Variants in FGF1 observed in about 807,000 individuals in gnomAD.
FGF1 encodes beta-endothelial cell growth factor.
A neutral mutation model predicts 13.4 loss-of-function variants in FGF1; 9 were observed. The observed-to-expected ratio is 0.67, with a 90% CI of 0.40 to 1.17. The LOEUF (loss-of-function observed/expected upper bound fraction) is 1.17, where lower values mean the gene tolerates loss of function less well. FGF1 is among the 50% of genes most tolerant of loss of function. The pLI, the probability that FGF1 is intolerant of heterozygous loss-of-function variation, is 0.01. For missense variants in FGF1, 156 were observed against 192.7 expected, an observed-to-expected ratio of 0.81 and a Z score of 1.13; for synonymous variants, 93 against 79.0, an observed-to-expected ratio of 1.18 and a Z score of -0.94.
intron 1 of FGF1, among the ~76,000 whole-genome samples, chr5:142,666,183 GA>G (rs1554091181): frequency 5.1e-5 from 5 of 97,134 alleles, no homozygotes; most frequent in African/African-American, 1.4e-4. Context: ...ATATTAGGGT[GA>G]AATCTGTATC....
At chr5:142,664,019 A>G (rs1231558677) in intron 1 of FGF1, among the ~76,000 whole-genome samples, 2 of 152,322 alleles carry the variant, frequency 1.3e-5, no homozygotes, top group African/African-American at 2.4e-5. Context: ...CTTATGAACT[A>G]GGAAATCAAT....
intron 1 of FGF1, among the ~76,000 whole-genome samples, chr5:142,638,802 T>C (rs1040777763): frequency 2.6e-5 from 4 of 151,976 alleles, no homozygotes; most frequent in African/African-American, 7.3e-5. Context: ...ATCCAGAATA[T>C]ATAAGGAACC....
At chr5:142,608,496 A>AT (rs1758194101) in intron 2 of FGF1, among the ~76,000 whole-genome samples, 2 of 146,658 alleles carry the variant, frequency 1.4e-5, no homozygotes, top group East Asian at 3.9e-4. Flanking sequence ...CAGTGGTAAA[A>AT]AATATATATA....
chr5:142,684,861 A>G (rs1257430977), intron 1 of FGF1, among the ~76,000 whole-genome samples: 1 of 151,416 alleles, frequency 6.6e-6, no homozygotes, highest in Non-Finnish European at 1.5e-5. Context: ...TGGGTCGGGG[A>G]GCTAACTCGT....
At chr5:142,605,933 G>T (rs1370339589) in intron 2 of FGF1, among the ~76,000 whole-genome samples, 3 of 152,166 alleles carry the variant, frequency 2.0e-5, no homozygotes, top group African/African-American at 7.2e-5. Context: ...AGAAAGTGGG[G>T]CCTTGGGAAG....
chr5:142,677,888 C>G (rs931392883), intron 1 of FGF1, among the ~76,000 whole-genome samples: 1 of 151,880 alleles, frequency 6.6e-6, no homozygotes. Context: ...AAGAAAATTA[C>G]GAATTGAGGT....
upstream of FGF1, among the ~76,000 whole-genome samples, chr5:142,687,139 G>A (rs577010065): frequency 7.3e-5 from 11 of 151,144 alleles, no homozygotes; most frequent in African/African-American, 2.2e-4. Flanking sequence ...GTGTGTGCAC[G>A]CATGCACTCC....
In FGF1 at chr5:142,592,355, A is replaced by G; in HGVS notation, c.*2935T>C. The G allele has an allele frequency of 5.0e-6, 2 of 398,586 alleles. No individual in the cohort carries two copies. Among genetic ancestry groups the G allele is most frequent in the East Asian group, 7.1e-5 (2 of 28,084 alleles). 24.7% of individuals were successfully genotyped at this position (398,586 alleles called of 1,614,324 possible). On this transcript the variant is annotated 3_prime_UTR_variant, in exon 4 of 4. Coordinates refer to ENST00000337706, the MANE Select transcript of FGF1 (RefSeq NM_000800.5). ...GGCGCCTTGGGTTCCTTTGCCTCTGACACAAAGCAAGGACCTTCAGTACTA... is the reference window on the plus strand; with the variant it reads ...GGCGCCTTGGGTTCCTTTGCCTCTGGCACAAAGCAAGGACCTTCAGTACTA...
intron 1 of FGF1, among the ~76,000 whole-genome samples, chr5:142,678,205 A>G (rs1773018535): frequency 6.6e-6 from 1 of 151,506 alleles, no homozygotes; most frequent in Non-Finnish European, 1.5e-5. Flanking sequence ...GAAAATCACC[A>G]CTCTCCCTTA....
At chr5:142,630,355 C>G (rs1763169069) in intron 1 of FGF1, among the ~76,000 whole-genome samples, 1 of 152,088 alleles carries the variant, frequency 6.6e-6, no homozygotes, top group African/African-American at 2.4e-5. Flanking sequence ...TACTTATTAC[C>G]AACCCCACTG....
Position 142,600,755 on chromosome 5 carries a change from T to A in FGF1, c.220A>T (p.Thr74Ser). Residue 74 changes from threonine to serine, a missense_variant, in exon 3 of 4, where the codon ACC (threonine) becomes TCC (serine). Thr to Ser is a moderately conservative substitution (Grantham distance 58). Coordinates refer to ENST00000337706, the MANE Select transcript of FGF1 (RefSeq NM_000800.5). ...ESVGEVYIKS[T>S]ETGQYLAMDT... ...ATGGCCAAGTACTGGCCAGTCTCGG[T>A]ACTCTTTATATACACCTCCCCCACG... 6.2e-7 allele frequency: 1 copy of A among 1,614,016 alleles called. No individual in the cohort carries two copies.
At chr5:142,604,307 T>C (rs1313701872) in intron 2 of FGF1, among the ~76,000 whole-genome samples, 2 of 152,228 alleles carry the variant, frequency 1.3e-5, no homozygotes, top group South Asian at 2.1e-4. Flanking sequence ...TATCAGACTT[T>C]ATGGTTTTCA....
chr5:142,667,660 G>A (rs59445077), intron 1 of FGF1, among the ~76,000 whole-genome samples: 12,531 of 152,068 alleles, frequency 0.082, 883 homozygotes, highest in African/African-American at 0.19. Context: ...AGGCTGATGG[G>A]GAGAGAGAAA....
chr5:142,657,926 A>G (rs13354218), intron 1 of FGF1, among the ~76,000 whole-genome samples: 19,487 of 152,056 alleles, frequency 0.13, 2,609 homozygotes, highest in African/African-American at 0.34. Flanking sequence ...TCTTAAATGC[A>G]TATATGCTCT....
intron 1 of FGF1, among the ~76,000 whole-genome samples, chr5:142,618,193 A>AT (rs994915908): frequency 4.6e-5 from 7 of 152,172 alleles, no homozygotes; most frequent in East Asian, 3.9e-4. Flanking sequence ...AATCCAGATG[A>AT]TTTTTTTGAT....
At chr5:142,605,400 C>T (rs1456113053) in intron 2 of FGF1, among the ~76,000 whole-genome samples, 1 of 151,950 alleles carries the variant, frequency 6.6e-6, no homozygotes, top group Non-Finnish European at 1.5e-5. Context: ...GGATTACAGG[C>T]ATGAGCCACC....
At chr5:142,673,731 C>T (rs529080549) in intron 1 of FGF1, among the ~76,000 whole-genome samples, 3 of 152,322 alleles carry the variant, frequency 2.0e-5, no homozygotes, top group Admixed American at 6.5e-5. Flanking sequence ...CTTCACCCCA[C>T]TTAGGGTGAT....
chr5:142,668,165 G>C (rs1770795944), intron 1 of FGF1, among the ~76,000 whole-genome samples: 1 of 152,254 alleles, frequency 6.6e-6, no homozygotes, highest in Non-Finnish European at 1.5e-5. Context: ...GGCCATGGTA[G>C]CTGGGTGCAA....
At chr5:142,682,109 G>A (rs1773826826) in intron 1 of FGF1, among the ~76,000 whole-genome samples, 1 of 148,214 alleles carries the variant, frequency 6.7e-6, no homozygotes, top group Non-Finnish European at 1.5e-5. Context: ...TTTTGAGACA[G>A]AGTTTCACTT....
Sources: allele counts gnomAD v4.1 joint callset (sites outside exome capture counted in the v4.1 genomes callset), GRCh38; gene constraint gnomAD v4.1.1; transcripts MANE v1.5; gene names NCBI Gene and HGNC (gene_info 2026-07-23, HGNC 2026-07-21).